Variants in GRIA2 observed in about 807,000 individuals in gnomAD.
GRIA2 encodes the protein glutamate ionotropic receptor AMPA type subunit 2, also known as glutamate receptor 2.
In GRIA2, 14 loss-of-function variants were observed where a neutral mutation model predicts 97.3. That is an observed-to-expected ratio of 0.14 (90% CI 0.10 to 0.23). GRIA2 has a LOEUF of 0.23. GRIA2 is among the 10% of genes least tolerant of loss of function. The pLI is 1.00. For missense variants in GRIA2, 558 were observed against 1,069.8 expected (o/e 0.52, Z 6.67); for synonymous variants, 412 against 387.8 (o/e 1.06, Z -0.73).
intron 14 of GRIA2, chr4:157,362,436 A>T (rs775857494): frequency 2.2e-6 from 1 of 463,916 alleles, no homozygotes; most frequent in South Asian, 1.5e-5. Context: ...GCTTTACCAG[A>T]TTATTTATAG....
intron 2 of GRIA2, among the ~76,000 whole-genome samples, chr4:157,250,063 C>T (rs1193792219): frequency 6.6e-6 from 1 of 152,020 alleles, no homozygotes; most frequent in Non-Finnish European, 1.5e-5. Context: ...AGTGGTTATG[C>T]GTTAATGGGA....
At chr4:157,274,973 C>T (rs1014704949) in intron 2 of GRIA2, among the ~76,000 whole-genome samples, 1 of 150,800 alleles carries the variant, frequency 6.6e-6, no homozygotes, top group Non-Finnish European at 1.5e-5. Flanking sequence ...AACTAGTTTA[C>T]AGTCCCACCA....
At chr4:157,342,187 A>G in intron 12 of GRIA2, 1 of 969,090 alleles carries the variant, frequency 1.0e-6, no homozygotes, top group Non-Finnish European at 1.2e-6. Context: ...AATATATGTG[A>G]CATATAATGG....
intron 2 of GRIA2, among the ~76,000 whole-genome samples, chr4:157,243,575 T>C (rs991203838): frequency 6.6e-5 from 10 of 152,158 alleles, no homozygotes; most frequent in African/African-American, 2.4e-4. Flanking sequence ...TCTAAAGCAC[T>C]GAAGGACATT....
intron 6 of GRIA2, among the ~76,000 whole-genome samples, chr4:157,325,764 G>C (rs188864551): frequency 1.1e-3 from 167 of 152,168 alleles, no homozygotes; most frequent in Non-Finnish European, 2.0e-3. Flanking sequence ...CTATGAATCA[G>C]AAAACCCCAT....
At chr4:157,277,892 A>ATATATATATGTATATATG (rs1163356626) in intron 2 of GRIA2, among the ~76,000 whole-genome samples, 9 of 73,012 alleles carry the variant, frequency 1.2e-4, no homozygotes, top group East Asian at 8.1e-4. Context: ...GTATATATGT[A>ATATATATATGTATATATG]TATATATATG....
chr4:157,365,055 T>G lies in GRIA2; in HGVS notation c.*1624T>G, dbSNP rs779434854. The stretch of plus-strand genomic sequence containing the variant: ...GACATCCAATAGTTATTTTTAATAT[T>G]TGTATTCTTGTTATTTCTGGAAGAA... On this transcript the variant is annotated 3_prime_UTR_variant, in exon 16 of 16. Coordinates refer to ENST00000264426, the MANE Select transcript of GRIA2 (RefSeq NM_001083619.3). 1 of 151,748 alleles carries G rather than the reference T, an allele frequency of 6.6e-6. No homozygotes were observed. Among genetic ancestry groups the G allele is most frequent in the Non-Finnish European group, 1.5e-5 (1 of 67,744 alleles). The allele number at this position is 151,748 out of a possible 1,614,324, so 9.4% of individuals were successfully genotyped here. A position where few individuals can be genotyped will look rare whatever the true frequency, so the allele number is the denominator to read the frequency against.
At chr4:157,284,033 A>G (rs1732727551) in intron 2 of GRIA2, among the ~76,000 whole-genome samples, 1 of 151,900 alleles carries the variant, frequency 6.6e-6, no homozygotes, top group African/African-American at 2.4e-5. Context: ...TAGAAAACAG[A>G]TATCTGAAGA....
At chr4:157,293,316 G>A (rs1733189835) in intron 2 of GRIA2, among the ~76,000 whole-genome samples, 1 of 152,032 alleles carries the variant, frequency 6.6e-6, no homozygotes, top group Admixed American at 6.6e-5. Flanking sequence ...TTTCAATTAG[G>A]GAATGTTAAT....
rs1023669463 is a variant in GRIA2 at position 157,331,341 on chromosome 4, T to C, written c.883-1478T>C. 7.9e-5 allele frequency among the ~76,000 whole-genome samples: 12 copies of C among 152,062 alleles called. 1 individual carries two copies. The highest frequency in any genetic ancestry group is 4.6e-4 in the Admixed American group (7 of 15,248). On this transcript the variant is annotated intron_variant, in intron 6 of 15. Transcript: ENST00000264426. ...CCTCAAACACATTTGGTAGACGGCT[T>C]TATAGCTTTCCCTTAGTAATGTGAG...
intron 2 of GRIA2, among the ~76,000 whole-genome samples, chr4:157,241,976 T>C (rs1730531836): frequency 6.6e-6 from 1 of 152,130 alleles, no homozygotes; most frequent in African/African-American, 2.4e-5. Flanking sequence ...TATTTCATCT[T>C]TGTAGTCCTC....
chr4:157,347,922 G>A lies in GRIA2; in HGVS notation c.2043+6460G>A, dbSNP rs565661173. On this transcript the variant is annotated intron_variant, in intron 12 of 15. Transcript: ENST00000264426. ...AGGCAGATCTCGAGGTCAAGAGATT[G>A]AGACCATCCTGGCCAACATGGTGAA... Among the ~76,000 whole-genome samples, 11 of 152,224 alleles carry A rather than the reference G, an allele frequency of 7.2e-5. No homozygotes were observed. The East Asian group carries it at 2.1e-3, about 30-fold the overall frequency.
chr4:157,298,874 G>T (rs1213214698), intron 2 of GRIA2, among the ~76,000 whole-genome samples: 1 of 151,878 alleles, frequency 6.6e-6, no homozygotes, highest in Non-Finnish European at 1.5e-5. Flanking sequence ...GTGAAGGCTT[G>T]GGAAATATGT....
At chr4:157,358,407 A>G (rs1167806031) in intron 12 of GRIA2, among the ~76,000 whole-genome samples, 4 of 152,174 alleles carry the variant, frequency 2.6e-5, no homozygotes, top group Non-Finnish European at 5.9e-5. Context: ...TGCTTTTACA[A>G]CAGAAAGAAA....
rs1199998199 is a variant in GRIA2 at position 157,364,569 on chromosome 4, A to G, written c.*1138A>G. On this transcript the variant is annotated 3_prime_UTR_variant, in exon 16 of 16. Transcript: ENST00000264426. The stretch of plus-strand genomic sequence containing the variant: ...AAAGCTAATATTAACAAATACCAGA[A>G]TACGTGAAGTTCCATTTTTAAAGTG... The G allele has an allele frequency of 6.6e-6, 1 of 152,172 alleles. No individual in the cohort carries two copies. Among genetic ancestry groups the G allele is most frequent in the Non-Finnish European group, 1.5e-5 (1 of 67,814 alleles). 9.4% of individuals were successfully genotyped at this position (152,172 alleles called of 1,614,324 possible).
intron 12 of GRIA2, among the ~76,000 whole-genome samples, chr4:157,351,886 T>C (rs1736025721): frequency 6.6e-6 from 1 of 152,220 alleles, no homozygotes. Context: ...TCTCCAGCCA[T>C]GCTGAACTGT....
chr4:157,221,592 G>C, intron 1 of GRIA2, 75 bp from the exon 2 acceptor site: 1 of 1,477,342 alleles, frequency 6.8e-7, no homozygotes, highest in Non-Finnish European at 9.3e-7. Flanking sequence ...TGGATTTTTG[G>C]GCGCTAGCGC....
rs1018720180 is a variant in GRIA2, at chr4:157,353,969, A to G, written c.2044-5927A>G. Among the ~76,000 whole-genome samples, 3 of 152,080 alleles carry G rather than the reference A, an allele frequency of 2.0e-5. No homozygotes were observed. In the South Asian group the frequency reaches 6.2e-4, roughly 31 times the overall value. ...TATTATATTTTAATAAAAAACAGAAACATTGTGAGTTTTCATATAAAATGT... is the reference window on the plus strand; with the variant it reads ...TATTATATTTTAATAAAAAACAGAAGCATTGTGAGTTTTCATATAAAATGT... On this transcript the variant is annotated intron_variant, in intron 12 of 15. Transcript: ENST00000264426.
chr4:157,361,415 G>A lies in GRIA2; in HGVS notation c.2406+291G>A, dbSNP rs909004995. On this transcript the variant is annotated intron_variant, in intron 14 of 15. Transcript: ENST00000264426. The surrounding 1 kb of genome is among the most constrained non-coding windows in gnomAD (Gnocchi z 5.2). ...CTCATTTGGCTCTGCAAATCTTACC[G>A]TTTGCTTAGGCCAAATGGCGCATCA... 3.8e-6 allele frequency: 3 copies of A among 780,222 alleles called. No homozygotes were observed. The highest frequency in any genetic ancestry group is 4.8e-5 in the Admixed American group (2 of 41,484). The allele number at this position is 780,222 out of a possible 1,614,324, so 48.3% of individuals were successfully genotyped here. A position where few individuals can be genotyped will look rare whatever the true frequency, so the allele number is the denominator to read the frequency against.
Sources: gnomAD v4.1 joint callset for allele counts (sites outside exome capture counted in the v4.1 genomes callset) on GRCh38, gnomAD v4.1.1 for gene constraint, Gnocchi (gnomAD v3.1) non-coding constraint, MANE v1.5 for transcripts, NCBI Gene and HGNC (gene_info 2026-07-23, HGNC 2026-07-21) for gene names.